Variants in ENOSF1 observed in about 807,000 individuals in gnomAD.
ENOSF1 encodes the protein mitochondrial enolase superfamily member 1.
In ENOSF1, 73 loss-of-function variants were observed where a neutral mutation model predicts 68.2. The observed-to-expected ratio is 1.07, with a 90% confidence interval of 0.89 to 1.30. ENOSF1 has a LOEUF of 1.30. Ranked by LOEUF, ENOSF1 falls within the 50% of genes most tolerant of loss-of-function variation. The pLI is 0.00. For synonymous variants in ENOSF1, 223 were observed against 210.4 expected (o/e 1.06, Z -0.52); for missense variants, 589 against 554.5 (o/e 1.06, Z -0.62).
intron 11 of ENOSF1, among the ~76,000 whole-genome samples, chr18:680,971 C>T (rs1449416563): frequency 2.6e-5 from 4 of 151,976 alleles, no homozygotes; most frequent in Non-Finnish European, 4.4e-5. Context: ...TCAGCCTCTC[C>T]GAGTAGCTGG....
intron 11 of ENOSF1, 132 bp downstream of exon 11, chr18:683,114 T>G (rs2076247728): frequency 3.7e-6 from 4 of 1,081,214 alleles, no homozygotes; most frequent in Non-Finnish European, 5.3e-6. Flanking sequence ...TGTCACACAT[T>G]ACAATTATTT....
intron 11 of ENOSF1, among the ~76,000 whole-genome samples, chr18:680,190 C>T (rs545822724): frequency 2.6e-5 from 4 of 152,318 alleles, no homozygotes; most frequent in South Asian, 4.1e-4. Flanking sequence ...CCCCGCATCT[C>T]ACGGGATGTG....
chr18:683,300 C>A lies in ENOSF1; in HGVS notation c.822G>T (p.Trp274Cys), dbSNP rs1191336430. Reference sequence around the variant, plus strand: ...CATCAGGGGAGGTTGGCTCCTCAATCCACAATGGCTTGAACTTGGCCAGCT... The same window carrying A: ...CATCAGGGGAGGTTGGCTCCTCAATACACAATGGCTTGAACTTGGCCAGCT... ...MSKLAKFKPL[W>C]IEEPTSPDDI... The change falls in exon 11 of 16, where the codon TGG (tryptophan) becomes TGT (cysteine). Residue 274 changes from tryptophan (W) to cysteine (C), a missense_variant. Transcript: ENST00000647584. The A allele has an allele frequency of 1.2e-6, 2 of 1,614,164 alleles. No homozygotes were observed. The highest frequency in any genetic ancestry group is 1.7e-6 in the Non-Finnish European group (2 of 1,180,032).
In ENOSF1 at chr18:712,470, T is replaced by C. The variant is rs1459231134; in HGVS notation, c.84+34A>G. ...CTTACCATGGCGTCCGCGCTTACCA[T>C]GGCGTCCGCGCTTACCATGGCGTCC... On this transcript the variant is annotated intron_variant, in intron 1 of 15. Transcript: ENST00000647584. 1.1e-5 allele frequency: 17 copies of C among 1,529,282 alleles called. 1 individual carries two copies. The East Asian group carries it at 1.2e-4, about 11-fold the overall frequency. 94.7% of individuals were successfully genotyped at this position (1,529,282 alleles called of 1,614,324 possible).
Position 670,688 on chromosome 18 carries a change from T to G in ENOSF1, c.*3617A>C. 6.2e-7 allele frequency: 1 copy of G among 1,613,792 alleles called. No homozygotes were observed. The highest frequency in any genetic ancestry group is 8.5e-7 in the Non-Finnish European group (1 of 1,179,814). ...CTCCTTATCTTCCTCTGCTGGTTCC[T>G]CAGATCTTCCTCTGATGGCGCTGCC... On this transcript the variant is annotated 3_prime_UTR_variant, in exon 16 of 16. Coordinates refer to ENST00000647584, the MANE Select transcript of ENOSF1 (RefSeq NM_017512.7).
chr18:675,803 G>A (rs1268024217), intron 14 of ENOSF1, among the ~76,000 whole-genome samples: 1 of 141,670 alleles, frequency 7.1e-6, no homozygotes, highest in African/African-American at 2.7e-5. Flanking sequence ...TGCAGCAGCT[G>A]CCAGGGGCTT....
chr18:672,598 A>G lies in ENOSF1; in HGVS notation c.*1707T>C, dbSNP rs1598484529. 3 of 296,128 alleles carry G rather than the reference A, an allele frequency of 1.0e-5. No homozygotes were observed. Among genetic ancestry groups the G allele is most frequent in the East Asian group, 5.2e-5 (1 of 19,102 alleles). 18.3% of individuals were successfully genotyped at this position (296,128 alleles called of 1,614,324 possible). ...TTTAATAAATTTGCCAAGAGTGGTT[A>G]TAAGAACTTACACCTGATGAGGCAC... On this transcript the variant is annotated 3_prime_UTR_variant, in exon 16 of 16. Coordinates refer to ENST00000647584, the MANE Select transcript of ENOSF1 (RefSeq NM_017512.7).
chr18:669,249 A>G (rs1244553877), downstream of ENOSF1: 2 of 1,297,608 alleles, frequency 1.5e-6, no homozygotes, highest in African/African-American at 3.0e-5. Context: ...GTGCAGAGGC[A>G]CCTGAGGGAG....
Position 690,615 on chromosome 18 carries a change from T to C in ENOSF1, c.552A>G (p.Ala184=). The change falls in exon 8 of 16, where the codon GCA becomes GCG. Residue 184 remains alanine, a synonymous_variant. Transcript: ENST00000647584. ...GKKEREKQML[A]QGYPAYTTSC... is the part of the protein sequence containing the mutation. Reference sequence around the variant, plus strand: ...ATGTCGTGTAAGCAGGGTATCCTTGTGCCAGCATTTGCTTCTCTGTGAAAA... The same window carrying C: ...ATGTCGTGTAAGCAGGGTATCCTTGCGCCAGCATTTGCTTCTCTGTGAAAA... The C allele has an allele frequency of 6.2e-7, 1 of 1,613,764 alleles. No homozygotes were observed. The highest frequency in any genetic ancestry group is 8.5e-7 in the Non-Finnish European group (1 of 1,180,000).
At chr18:686,886 G>A (rs2076657446) in intron 9 of ENOSF1, 1 of 152,396 alleles carries the variant, frequency 6.6e-6, no homozygotes, top group South Asian at 2.1e-4. Context: ...TGTACCAGCT[G>A]GAGGCTTCAA....
chr18:673,709 A>AT lies in ENOSF1; in HGVS notation c.*595_*596insA. On this transcript the variant is annotated 3_prime_UTR_variant, in exon 16 of 16. Transcript: ENST00000647584. ...AAAATATAATGACCATTTAGGATAG[A>AT]GTTTTTTTTTTTTTTTTTTAAACTT... 1 of 125,924 alleles carries AT rather than the reference A, an allele frequency of 7.9e-6. No homozygotes were observed. Among genetic ancestry groups the AT allele is most frequent in the Middle Eastern group, 3.9e-3 (1 of 254 alleles). 7.8% of individuals were successfully genotyped at this position (125,924 alleles called of 1,614,324 possible). A position where few individuals can be genotyped will look rare whatever the true frequency, so the allele number is the denominator to read the frequency against.
chr18:698,785 T>C (rs2078013545), intron 2 of ENOSF1, among the ~76,000 whole-genome samples: 1 of 151,996 alleles, frequency 6.6e-6, no homozygotes, highest in Non-Finnish European at 1.5e-5. Context: ...CATGCCCAGC[T>C]AATTTCTTGT....
chr18:679,793 C>T (rs371865466), intron 11 of ENOSF1, among the ~76,000 whole-genome samples: 200 of 152,198 alleles, frequency 1.3e-3, no homozygotes, highest in South Asian at 9.8e-3. Context: ...ACTGTGACTG[C>T]GACTCCACAG....
chr18:667,214 GAGA>G (rs1598469083), downstream of ENOSF1, among the ~76,000 whole-genome samples: 1 of 76,048 alleles, frequency 1.3e-5, no homozygotes, highest in Non-Finnish European at 2.3e-5. Context: ...GATGGTGATG[GAGA>G]TGGTGATGGT....
At chr18:698,323 T>C (rs191944466) in intron 2 of ENOSF1, among the ~76,000 whole-genome samples, 62 of 152,350 alleles carry the variant, frequency 4.1e-4, no homozygotes, top group African/African-American at 1.3e-3. Flanking sequence ...CTAGTTCATG[T>C]TCCTAAGGAA....
intron 11 of ENOSF1, among the ~76,000 whole-genome samples, chr18:679,721 G>A (rs1226670323): frequency 6.6e-6 from 1 of 152,048 alleles, no homozygotes; most frequent in East Asian, 1.9e-4. Flanking sequence ...CCTCTCACCT[G>A]GCCCCTGAAC....
intron 5 of ENOSF1, chr18:692,882 G>A: frequency 9.1e-7 from 1 of 1,104,906 alleles, no homozygotes; most frequent in Non-Finnish European, 1.1e-6. Flanking sequence ...CTTTCCTCCG[G>A]AGGAGGAGCA....
chr18:682,370 T>C (rs1195789413), intron 11 of ENOSF1, among the ~76,000 whole-genome samples: 1 of 152,170 alleles, frequency 6.6e-6, no homozygotes, highest in African/African-American at 2.4e-5. Flanking sequence ...TATCTAAACA[T>C]ACTTAAACAT....
Position 672,902 on chromosome 18 carries a change from C to T in ENOSF1, c.*1403G>A. 1 of 1,596,132 alleles carries T rather than the reference C, an allele frequency of 6.3e-7. No homozygotes were observed. The highest frequency in any genetic ancestry group is 8.6e-7 in the Non-Finnish European group (1 of 1,166,148). On this transcript the variant is annotated 3_prime_UTR_variant, in exon 16 of 16. Coordinates refer to ENST00000647584, the MANE Select transcript of ENOSF1 (RefSeq NM_017512.7). ...ACCTTTCCCAAAGCTCAGGATTCTTCGAAAAGTTGAGAAAATTGATGACTT... is the reference window on the plus strand; with the variant it reads ...ACCTTTCCCAAAGCTCAGGATTCTTTGAAAAGTTGAGAAAATTGATGACTT...
Sources: gnomAD v4.1 joint callset for allele counts (sites outside exome capture counted in the v4.1 genomes callset) on GRCh38, gnomAD v4.1.1 for gene constraint, MANE v1.5 for transcripts, NCBI Gene and HGNC (gene_info 2026-07-23, HGNC 2026-07-21) for gene names.